The following ZDHHC14 variants were observed in gnomAD, a reference collection of about 807,000 sequenced individuals.
ZDHHC14 encodes palmitoyltransferase ZDHHC14.
In ZDHHC14, 16 loss-of-function variants were observed where a neutral mutation model predicts 47.7. The ratio of observed to expected loss-of-function variants is 0.34; its 90% CI spans 0.23 to 0.51. The LOEUF (loss-of-function observed/expected upper bound fraction) is 0.51, where lower values mean the gene tolerates loss of function less well. Ranked by LOEUF, ZDHHC14 falls within the 20% of genes least tolerant of loss-of-function variation. The pLI is 0.97. For missense variants in ZDHHC14, 515 were observed against 662.5 expected (o/e 0.78, Z 2.44); for synonymous variants, 293 against 278.9 (o/e 1.05, Z -0.50).
intron 3 of ZDHHC14, among the ~76,000 whole-genome samples, chr6:157,607,745 C>T (rs1235995742): frequency 1.3e-5 from 2 of 151,846 alleles, no homozygotes; most frequent in African/African-American, 2.4e-5. Flanking sequence ...TTTATGCTAC[C>T]GAGAAATATT....
chr6:157,438,457 A>G (rs1235297614), intron 1 of ZDHHC14, among the ~76,000 whole-genome samples: 1 of 152,390 alleles, frequency 6.6e-6, no homozygotes, highest in South Asian at 2.1e-4. Flanking sequence ...AGACTCTTGA[A>G]GACAAATGCC....
intron 1 of ZDHHC14, among the ~76,000 whole-genome samples, chr6:157,404,521 A>T (rs952890782): frequency 6.6e-6 from 1 of 151,970 alleles, no homozygotes; most frequent in South Asian, 2.1e-4. Flanking sequence ...CTTTGATAAG[A>T]CTCCCCAGTG....
chr6:157,568,124 G>A (rs1336990789), intron 2 of ZDHHC14, among the ~76,000 whole-genome samples: 3 of 152,128 alleles, frequency 2.0e-5, no homozygotes, highest in Non-Finnish European at 4.4e-5. Flanking sequence ...TTCCAAAGCA[G>A]CAGAAATACT....
At chr6:157,503,748 T>C (rs758272931) in intron 1 of ZDHHC14, among the ~76,000 whole-genome samples, 10 of 152,008 alleles carry the variant, frequency 6.6e-5, no homozygotes, top group Non-Finnish European at 1.3e-4. Flanking sequence ...ATCAGGAAAA[T>C]GTAAATTAGG....
intron 1 of ZDHHC14, among the ~76,000 whole-genome samples, chr6:157,461,482 A>G (rs1490703225): frequency 2.0e-5 from 3 of 152,226 alleles, no homozygotes; most frequent in Admixed American, 6.5e-5. Context: ...GTACGTGTAC[A>G]GTCCGTTACG....
chr6:157,574,416 C>G (rs1783220606), intron 2 of ZDHHC14, among the ~76,000 whole-genome samples: 1 of 152,120 alleles, frequency 6.6e-6, no homozygotes. Flanking sequence ...GAGTGAGACT[C>G]CGTCTCAAAT....
At chr6:157,466,018 G>A (rs1779206562) in intron 1 of ZDHHC14, among the ~76,000 whole-genome samples, 1 of 152,146 alleles carries the variant, frequency 6.6e-6, no homozygotes, top group Non-Finnish European at 1.5e-5. Flanking sequence ...CTCCAGCCTG[G>A]GCGACAGAGT....
intron 1 of ZDHHC14, among the ~76,000 whole-genome samples, chr6:157,515,850 CTAGA>C (rs1398715051): frequency 2.0e-5 from 3 of 152,128 alleles, no homozygotes; most frequent in Non-Finnish European, 4.4e-5. Context: ...CTAACTGCAT[CTAGA>C]TAGTTTTTTA....
chr6:157,584,933 G>C (rs887369197), intron 2 of ZDHHC14, among the ~76,000 whole-genome samples: 1 of 152,114 alleles, frequency 6.6e-6, no homozygotes, highest in Non-Finnish European at 1.5e-5. Context: ...GGATGGGCAC[G>C]GTGGCTCATG....
At chr6:157,447,310 C>T (rs575854148) in intron 1 of ZDHHC14, among the ~76,000 whole-genome samples, 4 of 152,194 alleles carry the variant, frequency 2.6e-5, no homozygotes, top group East Asian at 1.9e-4. Flanking sequence ...TGGGGTGAGG[C>T]GTCCAAGGGT....
rs943375983 is a variant in ZDHHC14, at chr6:157,518,912, G to A, written c.246-23673G>A. Among the ~76,000 whole-genome samples, 9 of 152,216 alleles carry A rather than the reference G, an allele frequency of 5.9e-5. No individual in the cohort carries two copies. The South Asian group carries it at 1.7e-3, about 28-fold the overall frequency. On this transcript the variant is annotated intron_variant, in intron 1 of 8. Transcript: ENST00000359775. ...CTCTCTTCGTGTGGGGCACACAAAC[G>A]CTACAAGCCATACGGCGGCCAGCCA...
chr6:157,497,850 T>A (rs1381561828), intron 1 of ZDHHC14, among the ~76,000 whole-genome samples: 1 of 152,170 alleles, frequency 6.6e-6, no homozygotes, highest in Non-Finnish European at 1.5e-5. Context: ...ACCATCCTGA[T>A]CAACAAACAT....
chr6:157,491,029 C>A (rs773396505), intron 1 of ZDHHC14, among the ~76,000 whole-genome samples: 2 of 152,114 alleles, frequency 1.3e-5, no homozygotes, highest in Non-Finnish European at 2.9e-5. Context: ...CAAATGTGCC[C>A]GGAGGGCCTG....
intron 1 of ZDHHC14, among the ~76,000 whole-genome samples, chr6:157,400,902 C>T (rs1258130711): frequency 6.6e-6 from 1 of 152,234 alleles, no homozygotes; most frequent in African/African-American, 2.4e-5. Context: ...GGCCTGTGCA[C>T]TCACCAAGCC....
intron 3 of ZDHHC14, among the ~76,000 whole-genome samples, chr6:157,615,410 C>G (rs1329086085): frequency 6.6e-6 from 1 of 152,190 alleles, no homozygotes; most frequent in Non-Finnish European, 1.5e-5. Context: ...TGTAAGCGCC[C>G]CTGTTCTCGT....
chr6:157,662,205 AG>A (rs1411442986), intron 8 of ZDHHC14, among the ~76,000 whole-genome samples: 1 of 149,088 alleles, frequency 6.7e-6, no homozygotes, highest in African/African-American at 2.5e-5. Flanking sequence ...TTTTTGAGAC[AG>A]AGTCTCACTC....
At chr6:157,572,964 A>G (rs1291401765) in intron 2 of ZDHHC14, among the ~76,000 whole-genome samples, 3 of 152,034 alleles carry the variant, frequency 2.0e-5, no homozygotes, top group African/African-American at 7.2e-5. Flanking sequence ...GGGCCTATTT[A>G]AAGTTCTTAT....
intron 2 of ZDHHC14, among the ~76,000 whole-genome samples, chr6:157,572,128 A>G (rs1184659460): frequency 3.3e-5 from 5 of 152,144 alleles, no homozygotes; most frequent in Non-Finnish European, 5.9e-5. Flanking sequence ...ACCCTAGGGC[A>G]GGGCCTCTCA....
At chr6:157,400,862 G>A (rs1190839708) in intron 1 of ZDHHC14, among the ~76,000 whole-genome samples, 3 of 152,198 alleles carry the variant, frequency 2.0e-5, no homozygotes, top group Non-Finnish European at 2.9e-5. Context: ...CGGGCTCCCT[G>A]TGCAGCTGTG....
Sources: allele counts gnomAD v4.1 joint callset (sites outside exome capture counted in the v4.1 genomes callset), GRCh38; gene constraint gnomAD v4.1.1; transcripts MANE v1.5; gene names NCBI Gene and HGNC (gene_info 2026-07-23, HGNC 2026-07-21).